ABCC10: variants seen among roughly 807,000 people sequenced by gnomAD.
ABCC10 encodes ATP-binding cassette sub-family C member 10.
Under a neutral mutation model 143.2 loss-of-function variants are expected in ABCC10, and 110 were observed. That is an observed-to-expected ratio of 0.77 (90% CI 0.66 to 0.90). The LOEUF is 0.90. Among genes scored for constraint, ABCC10 ranks in the 40% least tolerant of loss-of-function variants. The pLI is 0.00. For synonymous variants in ABCC10, 805 were observed against 846.7 expected (o/e 0.95, Z 0.85); for missense variants, 1,700 against 1,900.5 (o/e 0.89, Z 1.96).
intron 12 of ABCC10, 27 bp downstream of exon 12, chr6:43,444,380 C>T: frequency 6.4e-7 from 1 of 1,573,966 alleles, no homozygotes; most frequent in Non-Finnish European, 8.6e-7. Context: ...GAGTCTCTTA[C>T]ATCGTAACGG....
Position 43,450,424 on chromosome 6 carries a change from G to T in ABCC10, c.*333G>T. 8.4e-7 allele frequency: 1 copy of T among 1,185,200 alleles called. No homozygotes were observed. Among genetic ancestry groups the T allele is most frequent in the Non-Finnish European group, 1.2e-6 (1 of 866,040 alleles). 73.4% of individuals were successfully genotyped at this position (1,185,200 alleles called of 1,614,324 possible). A position where few individuals can be genotyped will look rare whatever the true frequency, so the allele number is the denominator to read the frequency against. ...GTATTAAAAAAATAATATTTCTGGTGTGAGGCTGAGGTCTCCTCTGTGTGT... is the reference window on the plus strand; with the variant it reads ...GTATTAAAAAAATAATATTTCTGGTTTGAGGCTGAGGTCTCCTCTGTGTGT... On this transcript the variant is annotated 3_prime_UTR_variant, in exon 22 of 22. Transcript: ENST00000372530. This position sits in a 1 kb window ranked among gnomAD's most constrained non-coding sequence, Gnocchi z 4.5.
chr6:43,430,031 C>T (rs1309582731), intron 2 of ABCC10, among the ~76,000 whole-genome samples: 2 of 152,228 alleles, frequency 1.3e-5, no homozygotes, highest in African/African-American at 2.4e-5. Context: ...CCTTCTGCCT[C>T]AGCCTCCTAA....
At chr6:43,438,302 A>G (rs898520108) in intron 7 of ABCC10, 4 of 1,353,942 alleles carry the variant, frequency 3.0e-6, no homozygotes, top group Non-Finnish European at 3.9e-6. Flanking sequence ...GGATCCAGAG[A>G]GGAGCATAGG....
rs200874313 is a variant in ABCC10 at position 43,437,975 on chromosome 6, G to C, written c.1917G>C (p.Lys639Asn). ...TCGTGGGGAAGGTCGGCTGTGGGAA[G>C]AGCTCCCTGCTGGCTGCCATCGCTG... The part of the protein sequence containing the change: ...VGIVGKVGCG[K>N]SSLLAAIAGE... The change falls in exon 7 of 22, where the codon AAG (lysine) becomes AAC (asparagine). Residue 639 changes from lysine (K) to asparagine (N), a missense_variant. Coordinates refer to ENST00000372530, the MANE Select transcript of ABCC10 (RefSeq NM_001198934.2). 4.3e-6 allele frequency: 7 copies of C among 1,613,250 alleles called. No individual in the cohort carries two copies. Among genetic ancestry groups the C allele is most frequent in the Non-Finnish European group, 5.9e-6 (7 of 1,179,786 alleles).
intron 14 of ABCC10, 111 bp downstream of exon 14, chr6:43,445,425 AT>A: frequency 5.8e-6 from 8 of 1,370,590 alleles, no homozygotes; most frequent in Non-Finnish European, 8.0e-6. Context: ...GCCCTGGGAT[AT>A]TCTTCCTCAA....
In ABCC10 at chr6:43,442,059, A is replaced by G. The variant is rs76089032; in HGVS notation, c.2226+99A>G. On this transcript the variant is annotated intron_variant, in intron 9 of 21. Transcript: ENST00000372530. ...GGAGGATAGGAATATTTTCCTTAGCATCTGGTTCCTTCCCTCCTCCCTTGC... is the reference window on the plus strand; with the variant it reads ...GGAGGATAGGAATATTTTCCTTAGCGTCTGGTTCCTTCCCTCCTCCCTTGC... 3.4e-4 allele frequency: 345 copies of G among 1,021,840 alleles called. 2 individuals carry two copies. The East Asian group carries it at 8.6e-3, about 25-fold the overall frequency. 63.3% of individuals were successfully genotyped at this position (1,021,840 alleles called of 1,614,324 possible). A position where few individuals can be genotyped will look rare whatever the true frequency, so the allele number is the denominator to read the frequency against.
intron 2 of ABCC10, among the ~76,000 whole-genome samples, chr6:43,429,385 T>TGG (rs1780876877): frequency 2.3e-5 from 1 of 44,422 alleles, no homozygotes; most frequent in Non-Finnish European, 4.8e-5. Context: ...TGTGTGTGTG[T>TGG]GTGTGTGTGT....
At chr6:43,433,930 G>C (rs983916856) in intron 3 of ABCC10, among the ~76,000 whole-genome samples, 1 of 152,258 alleles carries the variant, frequency 6.6e-6, no homozygotes, top group Admixed American at 6.5e-5. Flanking sequence ...GTTCTGCAGT[G>C]ATTGTGGGTA....
rs777467243 is a variant in ABCC10, at chr6:43,449,973, C to G, written c.4361C>G (p.Ala1454Gly). The G allele has an allele frequency of 9.9e-6, 16 of 1,613,856 alleles. No individual in the cohort carries two copies. Among genetic ancestry groups the G allele is most frequent in the Non-Finnish European group, 1.3e-5 (15 of 1,179,980 alleles). The change falls in exon 22 of 22, where the codon GCG becomes GGG. Residue 1454 changes from alanine (A) to glycine (G), a missense_variant. Transcript: ENST00000372530. ...LNSDRVLVLQ[A>G]GRVVELDSPA... is the part of the protein sequence containing the mutation. Reference sequence around the variant, plus strand: ...TCAGACCGGGTGCTGGTGCTACAAGCGGGGAGAGTGGTAGAGCTGGACTCC... The same window carrying G: ...TCAGACCGGGTGCTGGTGCTACAAGGGGGGAGAGTGGTAGAGCTGGACTCC...
At chr6:43,442,067 C>A in intron 9 of ABCC10, 107 bp downstream of exon 9, 2 of 909,772 alleles carry the variant, frequency 2.2e-6, no homozygotes, top group Middle Eastern at 2.3e-4. Flanking sequence ...GCATCTGGTT[C>A]CTTCCCTCCT....
chr6:43,428,119 C>G lies in ABCC10; in HGVS notation c.141C>G (p.Ala47=). Residue 47 remains alanine, a synonymous_variant, in exon 2 of 22, where the codon GCC becomes GCG. Coordinates refer to ENST00000372530, the MANE Select transcript of ABCC10 (RefSeq NM_001198934.2). ...ACGCGCTCCTCGCCGTGCTCAGTGC[C>G]TGTTACTTGGGCACCCCGAGGTGGG... ...LPHALLAVLS[A]CYLGTPRSPD... is the part of the protein sequence containing the mutation. 1 of 1,542,924 alleles carries G rather than the reference C, an allele frequency of 6.5e-7. No homozygotes were observed. Among genetic ancestry groups the G allele is most frequent in the South Asian group, 1.2e-5 (1 of 84,066 alleles).
At chr6:43,438,147 T>G in intron 7 of ABCC10, 134 bp downstream of exon 7, 3 of 1,083,612 alleles carry the variant, frequency 2.8e-6, no homozygotes, top group Non-Finnish European at 4.0e-6. Flanking sequence ...TTGGGAGAGT[T>G]TTCAATCTGG....
chr6:43,443,844 G>A lies in ABCC10; in HGVS notation c.2417-89G>A. ...GTGGGTTAGACGGGGAGGCCTGAGA[G>A]GATGAGAGGTGGGATCTGCACACGC... is the stretch of plus-strand genomic sequence containing the variant. On this transcript the variant is annotated intron_variant, in intron 10 of 21. Coordinates refer to ENST00000372530, the MANE Select transcript of ABCC10 (RefSeq NM_001198934.2). The surrounding 1 kb of genome is among the most constrained non-coding windows in gnomAD (Gnocchi z 4.2). 1.5e-6 allele frequency: 2 copies of A among 1,339,570 alleles called. No homozygotes were observed. Among genetic ancestry groups the A allele is most frequent in the East Asian group, 2.3e-5 (1 of 43,342 alleles). 83.0% of individuals were successfully genotyped at this position (1,339,570 alleles called of 1,614,324 possible).
Position 43,447,371 on chromosome 6 carries a change from G to A in ABCC10, c.3668G>A (p.Cys1223Tyr), listed in dbSNP as rs1371798690. The A allele has an allele frequency of 6.2e-7, 1 of 1,613,106 alleles. No homozygotes were observed. Among genetic ancestry groups the A allele is most frequent in the Non-Finnish European group, 8.5e-7 (1 of 1,179,956 alleles). The change falls in exon 17 of 22, where the codon TGT becomes TAT. Residue 1223 changes from cysteine to tyrosine, a missense_variant. Cys to Tyr is a radical substitution (Grantham distance 194). Transcript: ENST00000372530. The part of the protein sequence containing the change: ...VSVERLEEYT[C>Y]DLPQEPQGQP... Reference sequence around the variant, plus strand: ...GTCGAGCGGCTGGAAGAGTACACCTGTGACCTGCCCCAGGAACCCCAGGGC... The same window carrying A: ...GTCGAGCGGCTGGAAGAGTACACCTATGACCTGCCCCAGGAACCCCAGGGC...
In ABCC10 at chr6:43,450,175, TC is replaced by T. The variant is rs1783621226; in HGVS notation, c.*85del. On this transcript the variant is annotated 3_prime_UTR_variant, in exon 22 of 22. Coordinates refer to ENST00000372530, the MANE Select transcript of ABCC10 (RefSeq NM_001198934.2). This position sits in a 1 kb window ranked among gnomAD's most constrained non-coding sequence, Gnocchi z 4.5. ...AGAGGTGCTGGCTGCTTGTTTACAT[TC>T]TCCTCTGGGGCTCTACCTCTCCACA... 1.1e-5 allele frequency: 16 copies of T among 1,447,914 alleles called. No homozygotes were observed. In the South Asian group the frequency reaches 2.2e-4, roughly 20 times the overall value. 89.7% of individuals were successfully genotyped at this position (1,447,914 alleles called of 1,614,324 possible).
rs761539429 is a variant in ABCC10 at position 43,444,015 on chromosome 6, G to C, written c.2494+5G>C. 2 of 1,613,636 alleles carry C rather than the reference G, an allele frequency of 1.2e-6. No homozygotes were observed. The highest frequency in any genetic ancestry group is 3.3e-5 in the Admixed American group (2 of 60,012). ...ATGGACAAGAGTCTGACTCAGGTAT[G>C]GCTCCCCAGTGGGAGAAAAGGGCTT... On this transcript the variant is annotated splice_donor_5th_base_variant and intron_variant, in intron 11 of 21. Coordinates refer to ENST00000372530, the MANE Select transcript of ABCC10 (RefSeq NM_001198934.2).
intron 2 of ABCC10, among the ~76,000 whole-genome samples, chr6:43,428,405 G>A (rs1030330385): frequency 1.3e-5 from 2 of 152,192 alleles, no homozygotes; most frequent in African/African-American, 2.4e-5. Flanking sequence ...AAGGTCCGAT[G>A]AGTATCAGAA....
rs1362866753 is a variant in ABCC10 at position 43,447,686 on chromosome 6, G to C, written c.3708G>C (p.Leu1236=). The part of the protein sequence containing the change: ...PQEPQGQPLQ[L]GTGWLTQGGV... ...CTCCCACCCATGGACCCCACCAGCT[G>C]GGCACCGGCTGGCTGACCCAGGGGG... The change falls in exon 18 of 22, where the codon CTG becomes CTC. Residue 1236 remains leucine (L), a splice_region_variant and synonymous_variant. Coordinates refer to ENST00000372530, the MANE Select transcript of ABCC10 (RefSeq NM_001198934.2). 1 of 1,613,960 alleles carries C rather than the reference G, an allele frequency of 6.2e-7. No homozygotes were observed. The highest frequency in any genetic ancestry group is 8.5e-7 in the Non-Finnish European group (1 of 1,179,950).
chr6:43,444,266 G>A lies in ABCC10; in HGVS notation c.2602G>A (p.Val868Met), dbSNP rs1416436688. ...LQEESKKEGA[V>M]ALHVYQAYWK... ...GGAAGAAAGCAAGAAGGAGGGCGCC[G>A]TGGCCTTGCACGTGTACCAAGCTTA... Residue 868 changes from valine (V) to methionine (M), a missense_variant, in exon 12 of 22, where the codon GTG (valine) becomes ATG (methionine). Coordinates refer to ENST00000372530, the MANE Select transcript of ABCC10 (RefSeq NM_001198934.2). 15 of 1,614,042 alleles carry A rather than the reference G, an allele frequency of 9.3e-6. No individual in the cohort carries two copies. The highest frequency in any genetic ancestry group is 6.7e-5 in the African/African-American group (5 of 74,938).
Sources: gnomAD v4.1 joint callset for allele counts (sites outside exome capture counted in the v4.1 genomes callset) on GRCh38, gnomAD v4.1.1 for gene constraint, Gnocchi (gnomAD v3.1) non-coding constraint, MANE v1.5 for transcripts, NCBI Gene and HGNC (gene_info 2026-07-23, HGNC 2026-07-21) for gene names.